Variants in TRIM37 observed in about 807,000 individuals in gnomAD.
The protein encoded by TRIM37 is tripartite motif containing 37, also known as E3 ubiquitin-protein ligase TRIM37.
Under a neutral mutation model 129.8 loss-of-function variants are expected in TRIM37, and 80 were observed. That is an observed-to-expected ratio of 0.62 (90% confidence interval 0.51 to 0.74). The LOEUF is 0.74. Among genes scored for constraint, TRIM37 ranks in the 30% least tolerant of loss-of-function variants. TRIM37 has a pLI of 0.00. For missense variants in TRIM37, 1,054 were observed against 1,176.5 expected, an observed-to-expected ratio of 0.90 and a Z score of 1.52; for synonymous variants, 389 against 387.1, an observed-to-expected ratio of 1.00 and a Z score of -0.06.
chr17:59,082,289 AAATAAT>A (rs1475166312), intron 5 of TRIM37, among the ~76,000 whole-genome samples: 1 of 151,980 alleles, frequency 6.6e-6, no homozygotes, highest in African/African-American at 2.4e-5. Flanking sequence ...AAAACAAAAC[AAATAAT>A]AATAATAATT....
intron 23 of TRIM37, among the ~76,000 whole-genome samples, chr17:59,000,067 AG>A (rs2033496061): frequency 1.3e-5 from 2 of 152,244 alleles, no homozygotes; most frequent in Admixed American, 1.3e-4. Flanking sequence ...TATCTTGCAG[AG>A]GAATGTTCAG....
rs1288382423 is a variant in TRIM37 at position 58,992,660 on chromosome 17, G to A, written c.2891+6721C>T. On this transcript the variant is annotated intron_variant, in intron 24 of 24. Transcript: ENST00000393066. Reference sequence around the variant, plus strand: ...CTCCCAAAGTGCTGGGATTACAGGCGTGAGCCACTGTGCCCGGCAGGTGTC... The same window carrying A: ...CTCCCAAAGTGCTGGGATTACAGGCATGAGCCACTGTGCCCGGCAGGTGTC... 6.6e-5 allele frequency among the ~76,000 whole-genome samples: 10 copies of A among 152,090 alleles called. 1 individual carries two copies. The highest frequency in any genetic ancestry group is 4.6e-4 in the Admixed American group (7 of 15,256).
downstream of TRIM37, among the ~76,000 whole-genome samples, chr17:58,996,820 GTA>G (rs1491550009): frequency 2.1e-5 from 3 of 145,198 alleles, no homozygotes; most frequent in Non-Finnish European, 3.0e-5. Flanking sequence ...GTGTGTGTGT[GTA>G]TGTATGTATA....
At chr17:58,995,922 G>A (rs1036419360), downstream of TRIM37, among the ~76,000 whole-genome samples, 10 of 151,834 alleles carry the variant, frequency 6.6e-5, no homozygotes, top group African/African-American at 9.7e-5. Context: ...TGGGAGGATC[G>A]CTTAAGCCCA....
At chr17:59,066,678 T>C (rs2079569560) in intron 9 of TRIM37, among the ~76,000 whole-genome samples, 1 of 152,210 alleles carries the variant, frequency 6.6e-6, no homozygotes, top group Admixed American at 6.5e-5. Context: ...TACTGTGATA[T>C]ACTTTTACAT....
At chr17:58,979,857 T>G, downstream of TRIM37, 2 of 780,334 alleles carry the variant, frequency 2.6e-6, no homozygotes, top group Non-Finnish European at 4.0e-6. Flanking sequence ...TTCTTTCCAG[T>G]CAAGTCAGTT....
chr17:59,049,037 T>A (rs1403382519), intron 15 of TRIM37, 141 bp downstream of exon 15: 2 of 709,700 alleles, frequency 2.8e-6, no homozygotes, highest in Non-Finnish European at 4.9e-6. Context: ...AACATTTACA[T>A]AAGGGCATAC....
At position 59,047,408 on chromosome 17, in the gene TRIM37, T is replaced by C. The variant is rs116403888; in HGVS notation, c.1667+275A>G. Among the ~76,000 whole-genome samples the C allele has an allele frequency of 5.9e-3, 901 of 152,218 alleles. 4 individuals are homozygous for C. Among genetic ancestry groups the C allele is most frequent in the African/African-American group, 0.021 (873 of 41,554 alleles). ...AGAAAAAATTATATACAGAGAAATATAAAGCAAAATATTCATAGGGAATGA... is the reference window on the plus strand; with the variant it reads ...AGAAAAAATTATATACAGAGAAATACAAAGCAAAATATTCATAGGGAATGA... On this transcript the variant is annotated intron_variant, in intron 16 of 23. Coordinates refer to ENST00000262294, the MANE Select transcript of TRIM37 (RefSeq NM_015294.6).
At chr17:59,083,919 A>AT in intron 5 of TRIM37, 83 bp downstream of exon 5, 1 of 1,099,302 alleles carries the variant, frequency 9.1e-7, no homozygotes, top group Non-Finnish European at 1.4e-6. Flanking sequence ...CGAGAGCATA[A>AT]TGACACTATT....
chr17:59,081,964 A>AAAAT (rs1568200247), intron 5 of TRIM37, among the ~76,000 whole-genome samples: 4 of 87,226 alleles, frequency 4.6e-5, no homozygotes, highest in East Asian at 3.1e-4. Context: ...AAAAAAAAAA[A>AAAAT]AATAATAATA....
At chr17:59,085,963 T>C (rs146644940) in intron 4 of TRIM37, among the ~76,000 whole-genome samples, 8 of 152,278 alleles carry the variant, frequency 5.3e-5, no homozygotes, top group South Asian at 2.1e-4. Flanking sequence ...GTTCCACTTA[T>C]ATGCAGTATC....
intron 17 of TRIM37, among the ~76,000 whole-genome samples, chr17:59,036,773 G>A (rs1045096573): frequency 2.6e-5 from 4 of 151,822 alleles, no homozygotes; most frequent in African/African-American, 7.3e-5. Context: ...ACTTAACATC[G>A]TAATTCTTTA....
chr17:59,061,683 T>C (rs2041508631), intron 11 of TRIM37, among the ~76,000 whole-genome samples: 2 of 152,122 alleles, frequency 1.3e-5, no homozygotes, highest in Admixed American at 6.6e-5. Context: ...GAGAATTACT[T>C]CCTATGTATT....
chr17:59,062,716 A>G, intron 10 of TRIM37, 68 bp from the exon 11 acceptor site: 1 of 1,285,722 alleles, frequency 7.8e-7, no homozygotes, highest in Non-Finnish European at 1.1e-6. Context: ...AGGCAAAAAG[A>G]AAGACCAACC....
At position 58,999,285 on chromosome 17, in the gene TRIM37, T is replaced by C. The variant is rs2033361082; in HGVS notation, c.*92A>G. 1 of 1,608,536 alleles carries C rather than the reference T, an allele frequency of 6.2e-7. No homozygotes were observed. Among genetic ancestry groups the C allele is most frequent in the African/African-American group, 1.3e-5 (1 of 74,734 alleles). ...GAGATAATGAAGAAATAAGACCAAA[T>C]CTGATTATCTGACTGATGACAAATT... On this transcript the variant is annotated 3_prime_UTR_variant, in exon 24 of 24. Transcript: ENST00000262294.
chr17:59,037,833 G>A (rs1395728214), intron 17 of TRIM37, among the ~76,000 whole-genome samples: 2 of 151,996 alleles, frequency 1.3e-5, no homozygotes, highest in African/African-American at 4.8e-5. Context: ...CTAGAGTACT[G>A]AAATACATTT....
chr17:59,037,920 A>G (rs28465190), intron 17 of TRIM37, among the ~76,000 whole-genome samples: 113 of 152,256 alleles, frequency 7.4e-4, no homozygotes, highest in African/African-American at 2.7e-3. Flanking sequence ...AGTATGTCAA[A>G]TATTTTGTAG....
chr17:59,015,812 G>A lies in TRIM37; in HGVS notation c.2387-13C>T, dbSNP rs368465962. ...CTTCCTGGGGAGCCTTCAAAAAAAG[G>A]AAGATGGAATACAAAAATTAGCTGG... is the stretch of plus-strand genomic sequence containing the variant. On this transcript the variant is annotated splice_polypyrimidine_tract_variant and intron_variant, in intron 20 of 23. Transcript: ENST00000262294. 4.2e-5 allele frequency: 67 copies of A among 1,611,312 alleles called. No individual in the cohort carries two copies. The highest frequency in any genetic ancestry group is 8.0e-5 in the African/African-American group (6 of 74,696).
At chr17:59,038,757 A>G (rs542133289) in intron 17 of TRIM37, among the ~76,000 whole-genome samples, 101 of 152,358 alleles carry the variant, frequency 6.6e-4, no homozygotes, top group African/African-American at 2.1e-3. Flanking sequence ...ACCTAATGCC[A>G]TACCAGACAA....
Sources: allele counts gnomAD v4.1 joint callset (sites outside exome capture counted in the v4.1 genomes callset), GRCh38; gene constraint gnomAD v4.1.1; transcripts MANE v1.5; gene names NCBI Gene and HGNC (gene_info 2026-07-23, HGNC 2026-07-21).